The following PIH1D2 variants were observed in gnomAD, a reference collection of about 807,000 sequenced individuals.
PIH1D2 encodes the protein PIH1 domain containing 2, also known as PIH1 domain-containing protein 2.
A neutral mutation model predicts 31.2 loss-of-function variants in PIH1D2; 25 were observed. The ratio of observed to expected loss-of-function variants is 0.80; its 90% CI spans 0.58 to 1.12. The LOEUF (loss-of-function observed/expected upper bound fraction) is 1.12. PIH1D2 is among the 50% of genes most tolerant of loss of function. The pLI is 0.00. For synonymous variants in PIH1D2, 116 were observed against 119.9 expected (o/e 0.97, Z 0.21); for missense variants, 310 against 356.6 (o/e 0.87, Z 1.05).
At chr11:112,059,809 A>C, downstream of PIH1D2, 1 of 1,173,410 alleles carries the variant, frequency 8.5e-7, no homozygotes, top group African/African-American at 1.6e-5. Context: ...TGGTTCAAAA[A>C]ATTTTTGAAG....
rs1308008875 is a variant in PIH1D2, at chr11:112,070,700, T to C, written c.549A>G (p.Glu183=). ...TGCTTCGTATCTGTCCAAGAGTTAG[T>C]TCTTTATGAAAAAAAGGGTGGAGGG... ...SIDLREKMRR[E]LTLGQIRSST... is the part of the protein sequence containing the mutation. Residue 183 remains glutamate (E), a splice_region_variant and synonymous_variant, in exon 5 of 6, where the codon GAA becomes GAG. Coordinates refer to ENST00000280350, the MANE Select transcript of PIH1D2 (RefSeq NM_138789.4). The C allele has an allele frequency of 3.4e-5, 55 of 1,608,574 alleles. No homozygotes were observed. Among genetic ancestry groups the C allele is most frequent in the Non-Finnish European group, 4.5e-5 (53 of 1,176,986 alleles).
At chr11:112,070,936 T>G (rs1263034693) in intron 4 of PIH1D2, 102 bp downstream of exon 4, 2 of 1,361,412 alleles carry the variant, frequency 1.5e-6, no homozygotes, top group South Asian at 1.5e-5. Flanking sequence ...CTATCTTAAG[T>G]TTTTCACCTT....
chr11:112,058,018 C>T, the PIH1D2 span, among the ~76,000 whole-genome samples: 27 of 152,188 alleles, frequency 1.8e-4, no homozygotes, highest in African/African-American at 6.0e-4. Flanking sequence ...TCATGTGACT[C>T]GCTTTATTGC....
Position 112,070,311 on chromosome 11 carries a change from C to T in PIH1D2, c.813+125G>A, listed in dbSNP as rs1421678595. ...TGGCACATCTCAGAAGGGAATTGCT[C>T]CTTCACCGGGTAACCTGAGCAAATC... is the stretch of plus-strand genomic sequence containing the variant. On this transcript the variant is annotated intron_variant, in intron 5 of 5. Transcript: ENST00000280350. 4 of 1,184,754 alleles carry T rather than the reference C, an allele frequency of 3.4e-6. No homozygotes were observed. The African/African-American group carries it at 6.2e-5, about 18-fold the overall frequency. 73.4% of individuals were successfully genotyped at this position (1,184,754 alleles called of 1,614,324 possible).
At chr11:112,064,021 CAG>C, downstream of PIH1D2, 1 of 677,544 alleles carries the variant, frequency 1.5e-6, no homozygotes, top group South Asian at 2.3e-5. Context: ...ATATTCCACA[CAG>C]ACTTTTACCT....
Position 112,071,023 on chromosome 11 carries a change from CA to C in PIH1D2, c.547+14del, listed in dbSNP as rs782296004. 1.9e-6 allele frequency: 3 copies of C among 1,604,568 alleles called. No homozygotes were observed. Among genetic ancestry groups the C allele is most frequent in the Non-Finnish European group, 2.5e-6 (3 of 1,176,628 alleles). ...TTAAAGCAGTTTAATTTTCCATTTA[CA>C]ATCATCAACTTACCCCTTCTCATTT... On this transcript the variant is annotated intron_variant, in intron 4 of 5. Coordinates refer to ENST00000280350, the MANE Select transcript of PIH1D2 (RefSeq NM_138789.4).
Position 112,070,508 on chromosome 11 carries a change from A to C in PIH1D2, c.741T>G (p.Pro247=), listed in dbSNP as rs782418336. Residue 247 remains proline (P), a synonymous_variant, in exon 5 of 6, where the codon CCT becomes CCG. Transcript: ENST00000280350. ...LKIVHDHSEK[P]LKIELKVELP... The stretch of plus-strand genomic sequence containing the variant: ...ATTCAACTTTCAACTCAATTTTCAG[A>C]GGTTTCTCACTGTGATCATGCACAA... 9 of 1,614,088 alleles carry C rather than the reference A, an allele frequency of 5.6e-6. No individual in the cohort carries two copies. In the Middle Eastern group the frequency reaches 9.9e-4, roughly 178 times the overall value.
intron 2 of PIH1D2, 102 bp downstream of exon 2, chr11:112,072,896 A>AAAAAC: frequency 8.1e-7 from 1 of 1,233,880 alleles, no homozygotes; most frequent in Non-Finnish European, 1.1e-6. Flanking sequence ...AAACAAAAAA[A>AAAAAC]AAACAAAAAA....
At chr11:112,066,637 C>CA (rs34049901), downstream of PIH1D2, among the ~76,000 whole-genome samples, 113,847 of 144,376 alleles carry the variant, frequency 0.79, 44,974 homozygotes, top group African/African-American at 0.91. Context: ...GATTCCGTCT[C>CA]AAAAAAAAAA....
At chr11:112,072,945 T>C (rs1393167924) in intron 2 of PIH1D2, 53 bp downstream of exon 2, 12 of 1,488,758 alleles carry the variant, frequency 8.1e-6, no homozygotes, top group Non-Finnish European at 1.1e-5. Context: ...CTCTGGTTAT[T>C]CTGGGATCAT....
downstream of PIH1D2, chr11:112,061,124 G>C (rs1864592332): frequency 6.2e-7 from 1 of 1,613,992 alleles, no homozygotes; most frequent in Non-Finnish European, 8.5e-7. Flanking sequence ...CATGTATTTT[G>C]GCAATTGGTG....
intron 2 of PIH1D2, 48 bp from the exon 3 acceptor site, chr11:112,071,806 T>C: frequency 6.2e-7 from 1 of 1,603,686 alleles, no homozygotes; most frequent in South Asian, 1.1e-5. Context: ...TTTAAAACCA[T>C]TTAAGGCCAG....
chr11:112,068,973 A>ATTTT (rs1159827826), intron 5 of PIH1D2, among the ~76,000 whole-genome samples: 5 of 134,384 alleles, frequency 3.7e-5, no homozygotes, highest in African/African-American at 1.5e-4. Flanking sequence ...AAACCTCTGA[A>ATTTT]TTTTTTTTGT....
At chr11:112,070,152 G>C in intron 5 of PIH1D2, 1 of 573,194 alleles carries the variant, frequency 1.7e-6, no homozygotes, top group South Asian at 2.2e-5. Flanking sequence ...TACTGATGTA[G>C]AACTGGCCTT....
chr11:112,061,085 T>C (rs1555183210), downstream of PIH1D2: 8 of 1,613,460 alleles, frequency 5.0e-6, no homozygotes, highest in Non-Finnish European at 6.8e-6. Context: ...GAATTAAGAA[T>C]TTCTCTGCTA....
At chr11:112,059,962 T>C (rs1339252440), downstream of PIH1D2, 3 of 1,613,906 alleles carry the variant, frequency 1.9e-6, no homozygotes, top group Admixed American at 1.7e-5. Context: ...ATCACACCTA[T>C]TGTGTTTAAT....
chr11:112,065,723 G>A (rs1555183762), downstream of PIH1D2, among the ~76,000 whole-genome samples: 1 of 152,236 alleles, frequency 6.6e-6, no homozygotes, highest in Non-Finnish European at 1.5e-5. Context: ...GCTCACGCCT[G>A]TAATCCCAAC....
rs781916893 is a variant in PIH1D2 at position 112,070,676 on chromosome 11, G to A, written c.573C>T (p.Ser191=). The A allele has an allele frequency of 1.3e-5, 21 of 1,613,920 alleles. No homozygotes were observed. The highest frequency in any genetic ancestry group is 8.8e-5 in the South Asian group (8 of 91,078). Residue 191 remains serine (S), a synonymous_variant, in exon 5 of 6, where the codon AGC becomes AGT. Coordinates refer to ENST00000280350, the MANE Select transcript of PIH1D2 (RefSeq NM_138789.4). ...AGTGATCTGGATTGCTCATAGTACT[G>A]CTTCGTATCTGTCCAAGAGTTAGTT... The part of the protein sequence containing the change: ...RRELTLGQIR[S]STMSNPDHFP...
downstream of PIH1D2, chr11:112,061,022 AT>A (rs781833307): frequency 7.2e-5 from 112 of 1,547,642 alleles, no homozygotes; most frequent in Non-Finnish European, 8.5e-5. Context: ...TTTATTTTTA[AT>A]TTTTTTTCCT....
Sources: allele counts gnomAD v4.1 joint callset (sites outside exome capture counted in the v4.1 genomes callset), GRCh38; gene constraint gnomAD v4.1.1; transcripts MANE v1.5; gene names NCBI Gene and HGNC (gene_info 2026-07-23, HGNC 2026-07-21).